ATP2C1: variants seen among roughly 807,000 people sequenced by gnomAD.
ATP2C1 encodes the protein calcium-transporting ATPase type 2C member 1.
Under a neutral mutation model 120.5 loss-of-function variants are expected in ATP2C1, and 31 were observed. The ratio of observed to expected loss-of-function variants is 0.26; its 90% CI spans 0.19 to 0.35. The LOEUF is 0.35. ATP2C1 is among the 10% of genes least tolerant of loss of function. ATP2C1 has a pLI of 1.00. For missense variants in ATP2C1, 731 were observed against 1,107.5 expected (o/e 0.66, Z 4.83); for synonymous variants, 351 against 358.7 (o/e 0.98, Z 0.24).
chr3:130,925,705 T>G (rs2059171067), intron 2 of ATP2C1, among the ~76,000 whole-genome samples: 1 of 152,004 alleles, frequency 6.6e-6, no homozygotes, highest in South Asian at 2.1e-4. Flanking sequence ...ACCTTTGTCT[T>G]TGGCTACCAG....
intron 9 of ATP2C1, among the ~76,000 whole-genome samples, chr3:130,954,255 A>C (rs1231143691): frequency 6.6e-6 from 1 of 152,176 alleles, no homozygotes; most frequent in Non-Finnish European, 1.5e-5. Flanking sequence ...TTATTAAATA[A>C]ATTTTAATTT....
intron 26 of ATP2C1, among the ~76,000 whole-genome samples, chr3:131,015,589 C>T (rs777819370): frequency 1.3e-5 from 2 of 152,180 alleles, no homozygotes; most frequent in Non-Finnish European, 2.9e-5. Flanking sequence ...TGGGCATCTA[C>T]TCATCATCTC....
intron 7 of ATP2C1, among the ~76,000 whole-genome samples, chr3:130,941,223 AGTGTGTGTGTGTGT>A (rs71774561): frequency 0.027 from 3,899 of 144,410 alleles, 181 homozygotes; most frequent in African/African-American, 0.092. Context: ...TGTATTTAAC[AGTGTGTGTGTGTGT>A]GTGTGTGTGT....
At chr3:130,898,255 C>T (rs2069814307) in intron 2 of ATP2C1, among the ~76,000 whole-genome samples, 1 of 152,130 alleles carries the variant, frequency 6.6e-6, no homozygotes, top group African/African-American at 2.4e-5. Flanking sequence ...GTGTAGAGAA[C>T]AATGCCCCAA....
chr3:130,970,653 A>G (rs534281104), intron 17 of ATP2C1, among the ~76,000 whole-genome samples: 3 of 152,222 alleles, frequency 2.0e-5, no homozygotes, highest in African/African-American at 7.2e-5. Context: ...TTGGCCTCCC[A>G]GAGTGCTGGG....
chr3:130,918,902 G>T (rs533293950), intron 2 of ATP2C1: 333 of 322,696 alleles, frequency 1.0e-3, no homozygotes, highest in Non-Finnish European at 1.7e-3. Context: ...TGAGGCAGGA[G>T]AATGGCGTGA....
At chr3:130,963,864 A>T (rs2060935488) in intron 12 of ATP2C1, 107 bp from the exon 13 acceptor site, 12 of 1,340,602 alleles carry the variant, frequency 9.0e-6, no homozygotes, top group Non-Finnish European at 1.3e-5. Context: ...TTAGGTATTG[A>T]CTATATTAAT....
At chr3:130,982,451 C>G (rs899506606) in intron 20 of ATP2C1, among the ~76,000 whole-genome samples, 1 of 152,202 alleles carries the variant, frequency 6.6e-6, no homozygotes, top group African/African-American at 2.4e-5. Flanking sequence ...CCTATCAAAG[C>G]CTGGTTTGTG....
intron 2 of ATP2C1, among the ~76,000 whole-genome samples, chr3:130,920,806 G>A (rs1054924332): frequency 6.6e-6 from 1 of 152,124 alleles, no homozygotes. Context: ...AACAAAACGT[G>A]AGCATAGGTG....
intron 1 of ATP2C1, among the ~76,000 whole-genome samples, chr3:130,886,927 G>T (rs2068988483): frequency 6.6e-6 from 1 of 152,136 alleles, no homozygotes; most frequent in Non-Finnish European, 1.5e-5. Context: ...GAAATGTTAG[G>T]TATTTATTGT....
At chr3:130,989,522 G>C (rs1320262944) in intron 20 of ATP2C1, among the ~76,000 whole-genome samples, 1 of 141,154 alleles carries the variant, frequency 7.1e-6, no homozygotes, top group Non-Finnish European at 1.5e-5. Context: ...CCGAGATTGC[G>C]CCATTGCACT....
At chr3:130,874,109 CA>C (rs532499817) in intron 1 of ATP2C1, among the ~76,000 whole-genome samples, 132 of 97,722 alleles carry the variant, frequency 1.4e-3, no homozygotes, top group Admixed American at 1.7e-3. Flanking sequence ...GACTCTGTCT[CA>C]AAAAAAAAAA....
intron 1 of ATP2C1, among the ~76,000 whole-genome samples, chr3:130,870,806 G>C (rs985279220): frequency 1.3e-5 from 2 of 152,204 alleles, no homozygotes. Context: ...CAGTGGCAGG[G>C]TTTGAGAGGA....
At chr3:130,869,667 C>T (rs2068365186) in intron 1 of ATP2C1, among the ~76,000 whole-genome samples, 2 of 152,156 alleles carry the variant, frequency 1.3e-5, no homozygotes, top group Admixed American at 6.5e-5. Flanking sequence ...GATACAAGAC[C>T]AAACCAGGCA....
intron 2 of ATP2C1, chr3:130,918,787 C>G (rs1442970933): frequency 1.1e-5 from 4 of 362,594 alleles, no homozygotes; most frequent in African/African-American, 4.3e-5. Flanking sequence ...GTCAGGAGAT[C>G]GAGACCATCC....
intron 17 of ATP2C1, among the ~76,000 whole-genome samples, chr3:130,971,148 G>A (rs2061297906): frequency 6.6e-6 from 1 of 152,068 alleles, no homozygotes; most frequent in Non-Finnish European, 1.5e-5. Flanking sequence ...TTTTTGATAG[G>A]TCTATTTCAT....
chr3:131,007,668 G>T (rs1490756876), downstream of ATP2C1, among the ~76,000 whole-genome samples: 1 of 152,172 alleles, frequency 6.6e-6, no homozygotes, highest in East Asian at 1.9e-4. Context: ...CTACATTAAA[G>T]AACTTTCTAT....
At chr3:130,983,204 A>G (rs1004883030) in intron 20 of ATP2C1, among the ~76,000 whole-genome samples, 4 of 152,100 alleles carry the variant, frequency 2.6e-5, no homozygotes, top group South Asian at 2.1e-4. Context: ...GACAATAGCA[A>G]CCATTTATTA....
At chr3:130,963,676 T>A in intron 12 of ATP2C1, 1 of 391,768 alleles carries the variant, frequency 2.6e-6, no homozygotes, top group Middle Eastern at 8.1e-4. Context: ...GACAGTAAAC[T>A]ACAGAGCTAG....
Sources: gnomAD v4.1 joint callset for allele counts (sites outside exome capture counted in the v4.1 genomes callset) on GRCh38, gnomAD v4.1.1 for gene constraint, MANE v1.5 for transcripts, NCBI Gene and HGNC (gene_info 2026-07-23, HGNC 2026-07-21) for gene names.